Variants in CCDC93 observed in about 807,000 individuals in gnomAD.
The protein encoded by CCDC93 is coiled-coil domain-containing protein 93.
In CCDC93, 61 loss-of-function variants were observed where a neutral mutation model predicts 108.2. The ratio of observed to expected loss-of-function variants is 0.56; its 90% CI spans 0.46 to 0.70. The LOEUF (loss-of-function observed/expected upper bound fraction) is 0.70, where lower values mean the gene tolerates loss of function less well. CCDC93 is among the 30% of genes least tolerant of loss of function. The pLI is 0.00. For synonymous variants in CCDC93, 276 were observed against 260.4 expected (o/e 1.06, Z -0.58); for missense variants, 685 against 764.2 (o/e 0.90, Z 1.22).
At chr2:118,010,409 A>C (rs752581258) in intron 1 of CCDC93, among the ~76,000 whole-genome samples, 17 of 152,198 alleles carry the variant, frequency 1.1e-4, no homozygotes, top group Non-Finnish European at 2.1e-4. Context: ...CCAAAAATAA[A>C]AAACCATCTC....
chr2:118,011,319 C>T (rs1281270288), intron 1 of CCDC93, among the ~76,000 whole-genome samples: 1 of 152,204 alleles, frequency 6.6e-6, no homozygotes, highest in Non-Finnish European at 1.5e-5. Context: ...GTAGGAGTGG[C>T]GTGGGGGAGG....
At chr2:117,976,069 A>C (rs1318021698) in intron 8 of CCDC93, among the ~76,000 whole-genome samples, 1 of 152,134 alleles carries the variant, frequency 6.6e-6, no homozygotes, top group Non-Finnish European at 1.5e-5. Context: ...GTCAAAAGAG[A>C]GGTTTGGTCT....
At chr2:117,976,151 C>G (rs1411072721) in intron 8 of CCDC93, among the ~76,000 whole-genome samples, 2 of 152,160 alleles carry the variant, frequency 1.3e-5, no homozygotes, top group African/African-American at 4.8e-5. Flanking sequence ...CCCATGGGAA[C>G]ACTCCGAGCT....
At chr2:118,009,453 T>G (rs1196894808) in intron 1 of CCDC93, among the ~76,000 whole-genome samples, 1 of 152,056 alleles carries the variant, frequency 6.6e-6, no homozygotes, top group Non-Finnish European at 1.5e-5. Flanking sequence ...TGCCGATCAC[T>G]TGAGGTCAGG....
intron 18 of CCDC93, 139 bp from the exon 19 acceptor site, chr2:117,941,436 G>A (rs1678697808): frequency 1.6e-6 from 1 of 639,836 alleles, no homozygotes. Context: ...CCTGCCATGG[G>A]CTTAAAGGTC....
chr2:117,953,235 T>G (rs1303358868), intron 12 of CCDC93, among the ~76,000 whole-genome samples: 1 of 152,234 alleles, frequency 6.6e-6, no homozygotes, highest in Non-Finnish European at 1.5e-5. Context: ...TGCCCCATCC[T>G]TGGGCCTGTA....
At chr2:117,942,512 C>T (rs1177424237) in intron 18 of CCDC93, among the ~76,000 whole-genome samples, 1 of 152,186 alleles carries the variant, frequency 6.6e-6, no homozygotes, top group African/African-American at 2.4e-5. Flanking sequence ...CTCAGGGACA[C>T]ATCTAATGGA....
At chr2:117,954,410 C>CTCTTT (rs1007513773) in intron 12 of CCDC93, among the ~76,000 whole-genome samples, 3 of 152,116 alleles carry the variant, frequency 2.0e-5, no homozygotes, top group Non-Finnish European at 4.4e-5. Flanking sequence ...AAAGGCTCAT[C>CTCTTT]TCTTTTCTTT....
intron 21 of CCDC93, 187 bp from the exon 22 acceptor site, chr2:117,935,766 G>T (rs780241694): frequency 4.8e-6 from 2 of 420,388 alleles, no homozygotes; most frequent in South Asian, 7.8e-5. Flanking sequence ...CTCTGAGAAG[G>T]CATGGAAATT....
At chr2:117,930,761 T>TG (rs1165574888) in intron 23 of CCDC93, 3 of 272,064 alleles carry the variant, frequency 1.1e-5, no homozygotes, top group Admixed American at 1.0e-4. Flanking sequence ...TACGGACTGA[T>TG]GGAGTCATTT....
intron 21 of CCDC93, 119 bp downstream of exon 21, chr2:117,936,583 T>C (rs1678532324): frequency 2.5e-6 from 2 of 810,608 alleles, no homozygotes; most frequent in African/African-American, 1.7e-5. Context: ...AAGAATCACA[T>C]ACCCAGTGTT....
At chr2:117,967,753 AT>A (rs1380412055) in intron 11 of CCDC93, among the ~76,000 whole-genome samples, 1 of 152,304 alleles carries the variant, frequency 6.6e-6, no homozygotes, top group African/African-American at 2.4e-5. Flanking sequence ...TCACGTACTC[AT>A]TTATAGAGCA....
intron 23 of CCDC93, among the ~76,000 whole-genome samples, chr2:117,923,476 C>G (rs79904197): frequency 2.6e-5 from 4 of 152,338 alleles, no homozygotes; most frequent in Admixed American, 6.5e-5. Context: ...ATATCCCGCG[C>G]CTGCCTCAGA....
chr2:117,944,482 T>C (rs1678804111), intron 17 of CCDC93, among the ~76,000 whole-genome samples: 1 of 152,140 alleles, frequency 6.6e-6, no homozygotes, highest in Non-Finnish European at 1.5e-5. Flanking sequence ...TCCAATGTGA[T>C]AGCCACTAGC....
At chr2:117,945,044 A>G (rs1476605558) in intron 17 of CCDC93, among the ~76,000 whole-genome samples, 1 of 152,232 alleles carries the variant, frequency 6.6e-6, no homozygotes, top group South Asian at 2.1e-4. Context: ...ATTGGAACAC[A>G]GCCATGTCCA....
In CCDC93 at chr2:117,943,094, C is replaced by T. The variant is rs916392077; in HGVS notation, c.1413+930G>A. ...TTTCCATGCATTCTACAGCCACTGC[C>T]TAACTCAGGCCCTTGCCCTCAGCAA... On this transcript the variant is annotated intron_variant, in intron 18 of 23. Coordinates refer to ENST00000376300, the MANE Select transcript of CCDC93 (RefSeq NM_019044.5). Among the ~76,000 whole-genome samples the T allele has an allele frequency of 2.6e-5, 4 of 152,218 alleles. No homozygotes were observed. The East Asian group carries it at 7.7e-4, about 29-fold the overall frequency.
rs550107307 is a variant in CCDC93, at chr2:117,976,054, C to G, written c.658-774G>C. Among the ~76,000 whole-genome samples, 336 of 152,246 alleles carry G rather than the reference C, an allele frequency of 2.2e-3. 2 individuals carry two copies. The highest frequency in any genetic ancestry group is 7.4e-3 in the African/African-American group (309 of 41,534). On this transcript the variant is annotated intron_variant, in intron 8 of 23. Transcript: ENST00000376300. ...TCTGATCCCTGCATGTTAAGGACTT[C>G]CAGGGTCAAAAGAGAGGTTTGGTCT... is the stretch of plus-strand genomic sequence containing the variant.
chr2:117,999,137 G>A (rs1442964169), intron 4 of CCDC93: 1 of 152,158 alleles, frequency 6.6e-6, no homozygotes, highest in Non-Finnish European at 1.5e-5. Context: ...TTAACAGACG[G>A]AAAGTTATTT....
Position 117,920,418 on chromosome 2 carries a change from TAG to T in CCDC93, c.1843-24_1843-23del, listed in dbSNP as rs781553440. On this transcript the variant is annotated intron_variant, in intron 23 of 23. Transcript: ENST00000376300. ...CCTCCTGGAGGGAAAGCAGAGAGTA[TAG>T]AGAGAGTGGTGACTACATTAGCACC... 2.4e-5 allele frequency: 39 copies of T among 1,592,600 alleles called. No homozygotes were observed. The South Asian group carries it at 2.8e-4, about 11-fold the overall frequency.
Sources: allele counts gnomAD v4.1 joint callset (sites outside exome capture counted in the v4.1 genomes callset), GRCh38; gene constraint gnomAD v4.1.1; transcripts MANE v1.5; gene names NCBI Gene and HGNC (gene_info 2026-07-23, HGNC 2026-07-21).